The following RANBP17 variants were observed in gnomAD, a reference collection of about 807,000 sequenced individuals.
RANBP17 encodes the protein RAN binding protein 17, also known as ran-binding protein 17.
In RANBP17, 158 loss-of-function variants were observed where a neutral mutation model predicts 141.2. The ratio of observed to expected loss-of-function variants is 1.12; its 90% CI spans 0.98 to 1.28. The LOEUF is 1.28. Ranked by LOEUF, RANBP17 falls within the 50% of genes most tolerant of loss-of-function variation. RANBP17 has a pLI of 0.00. For missense variants in RANBP17, 1,438 were observed against 1,290.7 expected, an observed-to-expected ratio of 1.11 and a Z score of -1.75; for synonymous variants, 430 against 450.0, an observed-to-expected ratio of 0.96 and a Z score of 0.56.
At chr5:171,224,471 G>A (rs6882546) in intron 22 of RANBP17, among the ~76,000 whole-genome samples, 18,391 of 152,222 alleles carry the variant, frequency 0.12, 1,426 homozygotes, top group East Asian at 0.16. Flanking sequence ...AGGACAGAAT[G>A]TATGTCCAGT....
At chr5:171,163,998 A>G (rs1317397178) in intron 14 of RANBP17, among the ~76,000 whole-genome samples, 1 of 152,172 alleles carries the variant, frequency 6.6e-6, no homozygotes, top group African/African-American at 2.4e-5. Context: ...TCATTATCCA[A>G]AATCTTAATT....
intron 1 of RANBP17, among the ~76,000 whole-genome samples, chr5:170,863,314 A>G (rs1372453029): frequency 6.6e-6 from 1 of 152,196 alleles, no homozygotes; most frequent in Non-Finnish European, 1.5e-5. Flanking sequence ...CAGGGAGGGA[A>G]GGGAATTTCA....
intron 14 of RANBP17, among the ~76,000 whole-genome samples, chr5:171,091,624 C>T (rs1226547172): frequency 1.3e-5 from 2 of 152,178 alleles, no homozygotes; most frequent in East Asian, 3.8e-4. Context: ...CAAATCTCAT[C>T]TTGAATTCCC....
At chr5:170,928,017 C>T (rs1773063911) in intron 12 of RANBP17, among the ~76,000 whole-genome samples, 1 of 152,092 alleles carries the variant, frequency 6.6e-6, no homozygotes, top group Non-Finnish European at 1.5e-5. Flanking sequence ...ACTTACTCTG[C>T]ATCCCTGCCA....
chr5:171,155,092 A>ATATATAT (rs1171011154), intron 14 of RANBP17, among the ~76,000 whole-genome samples: 19 of 91,212 alleles, frequency 2.1e-4, no homozygotes, highest in East Asian at 9.9e-4. Context: ...AAAAAAAAAA[A>ATATATAT]AAATATATAT....
rs1476460326 is a variant in RANBP17 at position 171,221,061 on chromosome 5, A to G, written c.2340-697A>G. Among the ~76,000 whole-genome samples the G allele has an allele frequency of 2.0e-5, 3 of 152,160 alleles. No individual in the cohort carries two copies. In the East Asian group the frequency reaches 5.8e-4, roughly 29 times the overall value. On this transcript the variant is annotated intron_variant, in intron 21 of 27. Coordinates refer to ENST00000523189, the MANE Select transcript of RANBP17 (RefSeq NM_022897.5). ...TTGCTAATCCTTTTTTCAAAATGCC[A>G]CTTCTTCTTAAAAGCCAAAGCAATT...
At chr5:171,194,327 C>A (rs1225332405) in intron 18 of RANBP17, among the ~76,000 whole-genome samples, 2 of 152,040 alleles carry the variant, frequency 1.3e-5, no homozygotes, top group South Asian at 2.1e-4. Flanking sequence ...ATTTTCATCA[C>A]CCCCCTCAAA....
chr5:170,867,621 GAT>G (rs1410331405), intron 1 of RANBP17, among the ~76,000 whole-genome samples: 1 of 152,148 alleles, frequency 6.6e-6, no homozygotes, highest in Non-Finnish European at 1.5e-5. Flanking sequence ...AGGCAGGAAA[GAT>G]ACAGGAAAGT....
chr5:171,008,511 G>A (rs1040330495), intron 14 of RANBP17, among the ~76,000 whole-genome samples: 1 of 144,634 alleles, frequency 6.9e-6, no homozygotes, highest in African/African-American at 2.9e-5. Flanking sequence ...AGTCTGAAAA[G>A]AGAGTCAGCA....
At position 171,105,366 on chromosome 5, in the gene RANBP17, A is replaced by T. The variant is rs372831940; in HGVS notation, c.1711-64764A>T. Among the ~76,000 whole-genome samples the T allele has an allele frequency of 3.0e-3, 349 of 115,016 alleles. 2 individuals are homozygous for T. Among genetic ancestry groups the T allele is most frequent in the African/African-American group, 0.011 (331 of 28,934 alleles). The allele number at this position is 115,016 out of a possible 152,430, so 75.5% of individuals were successfully genotyped here. On this transcript the variant is annotated intron_variant, in intron 14 of 27. Coordinates refer to ENST00000523189, the MANE Select transcript of RANBP17 (RefSeq NM_022897.5). ...CACTGCACTCCAGCCTGGGCGACAG[A>T]GCGAGACTCCGTCTCAAAAAAAAAA...
chr5:171,293,878 T>C lies in RANBP17; in HGVS notation c.2944-5T>C. Reference sequence around the variant, plus strand: ...TCTCAATCTTTATGTGATTCTATCTTCTAGATGATGTCTGTCCTCATGAAC... The same window carrying C: ...TCTCAATCTTTATGTGATTCTATCTCCTAGATGATGTCTGTCCTCATGAAC... On this transcript the variant is annotated splice_region_variant and splice_polypyrimidine_tract_variant and intron_variant, in intron 25 of 27. Transcript: ENST00000523189. 1 of 1,608,108 alleles carries C rather than the reference T, an allele frequency of 6.2e-7. No individual in the cohort carries two copies. Among genetic ancestry groups the C allele is most frequent in the Non-Finnish European group, 8.5e-7 (1 of 1,174,634 alleles).
intron 1 of RANBP17, among the ~76,000 whole-genome samples, chr5:170,862,703 C>A (rs1355924577): frequency 6.6e-6 from 1 of 152,178 alleles, no homozygotes; most frequent in Non-Finnish European, 1.5e-5. Context: ...GCAGAGGCTA[C>A]GAAGATGGGA....
chr5:171,146,774 T>C (rs2339233), intron 14 of RANBP17, among the ~76,000 whole-genome samples: 107,695 of 152,042 alleles, frequency 0.71, 38,295 homozygotes, highest in South Asian at 0.85. Context: ...CCAGAAAATA[T>C]ATACATATAT....
At chr5:171,076,663 A>G (rs1784944087) in intron 14 of RANBP17, among the ~76,000 whole-genome samples, 1 of 152,212 alleles carries the variant, frequency 6.6e-6, no homozygotes, top group East Asian at 1.9e-4. Flanking sequence ...AGCTGAATCC[A>G]ACTTGAAGAG....
intron 14 of RANBP17, among the ~76,000 whole-genome samples, chr5:171,059,236 C>T (rs1397802192): frequency 6.6e-6 from 1 of 152,006 alleles, no homozygotes; most frequent in Non-Finnish European, 1.5e-5. Flanking sequence ...GAAGTCCTTG[C>T]CCATGCCTAT....
chr5:170,952,644 A>G (rs769458293), intron 12 of RANBP17, among the ~76,000 whole-genome samples: 7 of 151,986 alleles, frequency 4.6e-5, no homozygotes, highest in Non-Finnish European at 8.8e-5. Context: ...TCAGTTCCAT[A>G]CCTTTTAAAA....
chr5:171,092,049 A>G (rs1786330879), intron 14 of RANBP17, among the ~76,000 whole-genome samples: 1 of 152,178 alleles, frequency 6.6e-6, no homozygotes, highest in East Asian at 1.9e-4. Flanking sequence ...CAACTGTACT[A>G]TAGGTTTTTA....
At chr5:171,021,917 G>T (rs532305924) in intron 14 of RANBP17, among the ~76,000 whole-genome samples, 23 of 152,150 alleles carry the variant, frequency 1.5e-4, no homozygotes, top group African/African-American at 5.1e-4. Context: ...GTCTACTTTT[G>T]ATCTTTGAGG....
chr5:171,184,796 A>G (rs558159300), intron 18 of RANBP17, among the ~76,000 whole-genome samples: 1 of 152,312 alleles, frequency 6.6e-6, no homozygotes, highest in South Asian at 2.1e-4. Context: ...TATAAAAGTT[A>G]AACTTACTGT....
Sources: gnomAD v4.1 joint callset for allele counts (sites outside exome capture counted in the v4.1 genomes callset) on GRCh38, gnomAD v4.1.1 for gene constraint, MANE v1.5 for transcripts, NCBI Gene and HGNC (gene_info 2026-07-23, HGNC 2026-07-21) for gene names.